Variants in CELSR3 observed in about 807,000 individuals in gnomAD.
CELSR3 encodes the protein EGF-like protein 1.
A neutral mutation model predicts 270.0 loss-of-function variants in CELSR3; 73 were observed. That is an observed-to-expected ratio of 0.27 (90% confidence interval 0.22 to 0.33). The LOEUF (loss-of-function observed/expected upper bound fraction) is 0.33. CELSR3 is among the 10% of genes least tolerant of loss of function. The pLI, the probability that CELSR3 is intolerant of heterozygous loss-of-function variation, is 1.00. For synonymous variants in CELSR3, 1,780 were observed against 1,905.4 expected, an observed-to-expected ratio of 0.93 and a Z score of 1.71; for missense variants, 3,614 against 4,533.8, an observed-to-expected ratio of 0.80 and a Z score of 5.83.
chr3:48,649,221 G>A lies in CELSR3; in HGVS notation c.6473-6C>T, dbSNP rs1190594011. The A allele has an allele frequency of 6.2e-7, 1 of 1,606,596 alleles. No homozygotes were observed. The highest frequency in any genetic ancestry group is 8.5e-7 in the Non-Finnish European group (1 of 1,176,638). ...ACACAGCCGCACAGCAGCACCTGGAGGCAGGCAACCCCTGGTCAGGCCTGG... is the reference window on the plus strand; with the variant it reads ...ACACAGCCGCACAGCAGCACCTGGAAGCAGGCAACCCCTGGTCAGGCCTGG... On this transcript the variant is annotated splice_polypyrimidine_tract_variant and splice_region_variant and intron_variant, in intron 16 of 34. Coordinates refer to ENST00000164024, the MANE Select transcript of CELSR3 (RefSeq NM_001407.3).
At chr3:48,648,541 A>G in intron 18 of CELSR3, 80 bp from the exon 19 acceptor site, 1 of 1,435,762 alleles carries the variant, frequency 7.0e-7, no homozygotes, top group Non-Finnish European at 9.2e-7. Flanking sequence ...AGAGGTCTGG[A>G]CAGGTGCTCA....
In CELSR3 at chr3:48,653,803, G is replaced by T. The variant is rs770302307; in HGVS notation, c.5279-15C>A. 6.2e-7 allele frequency: 1 copy of T among 1,613,564 alleles called. No homozygotes were observed. The highest frequency in any genetic ancestry group is 2.2e-5 in the East Asian group (1 of 44,864). On this transcript the variant is annotated splice_polypyrimidine_tract_variant and intron_variant, in intron 8 of 34. Coordinates refer to ENST00000164024, the MANE Select transcript of CELSR3 (RefSeq NM_001407.3). This position sits in a 1 kb window ranked among gnomAD's most constrained non-coding sequence, Gnocchi z 6.5. ...ATGGGCCATAGCTGAGTGGATAAGA[G>T]AAACAGGGTTACAGCCCCTGCCCCA... is the stretch of plus-strand genomic sequence containing the variant.
chr3:48,651,728 G>A lies in CELSR3; in HGVS notation c.5924-10C>T. 1 of 1,536,230 alleles carries A rather than the reference G, an allele frequency of 6.5e-7. No homozygotes were observed. Among genetic ancestry groups the A allele is most frequent in the Non-Finnish European group, 8.7e-7 (1 of 1,144,214 alleles). On this transcript the variant is annotated splice_polypyrimidine_tract_variant and intron_variant, in intron 12 of 34. Coordinates refer to ENST00000164024, the MANE Select transcript of CELSR3 (RefSeq NM_001407.3). The surrounding 1 kb of genome is among the most constrained non-coding windows in gnomAD (Gnocchi z 7.4). ...CCTGGGCCGTAGTAACCTGCAGATT[G>A]GGTCAGAAAGCTCAGGATCCTGGTC...
chr3:48,661,197 C>A lies in CELSR3; in HGVS notation c.1438G>T (p.Ala480Ser), dbSNP rs1489899272. The A allele has an allele frequency of 3.1e-6, 5 of 1,597,990 alleles. No homozygotes were observed. The highest frequency in any genetic ancestry group is 4.3e-6 in the Non-Finnish European group (5 of 1,171,852). Residue 480 changes from alanine to serine, a missense_variant, in exon 1 of 35, where the codon GCT becomes TCT. This residue lies in a region of CELSR3 where 354 missense variants were observed against 500.9 expected (regional missense o/e 0.71). Coordinates refer to ENST00000164024, the MANE Select transcript of CELSR3 (RefSeq NM_001407.3). ...YRFVGPPAAR[A>S]AAAAAFEIDP... ...ATCTCGAAGGCGGCGGCAGCTGCAG[C>A]GCGCGCAGCTGGCGGCCCCACGAAG...
In CELSR3 at chr3:48,649,146, G is replaced by C. The variant is rs899610119; in HGVS notation, c.6542C>G (p.Pro2181Arg). ...LEPDLFNCTS[P>R]AFRELSLLLD... The stretch of plus-strand genomic sequence containing the variant: ...CAGCAGACTGAGCTCTCGAAAGGCA[G>C]GGGAGGTACAGTTGAAGAGGTCGGG... The change falls in exon 17 of 35, where the codon CCT (proline) becomes CGT (arginine). Residue 2181 changes from proline to arginine, a missense_variant. Around this residue, in one of 7 missense-constraint regions of CELSR3, gnomAD observed 1,331 missense variants for 1,933.7 expected, o/e 0.69. Transcript: ENST00000164024. 6.2e-7 allele frequency: 1 copy of C among 1,612,676 alleles called. No homozygotes were observed. The highest frequency in any genetic ancestry group is 8.5e-7 in the Non-Finnish European group (1 of 1,179,588).
chr3:48,644,428 C>G lies in CELSR3; in HGVS notation c.8086-133G>C, dbSNP rs561593538. 21 of 792,688 alleles carry G rather than the reference C, an allele frequency of 2.6e-5. 2 individuals are homozygous for G. Among genetic ancestry groups the G allele is most frequent in the Middle Eastern group, 6.7e-4 (2 of 2,974 alleles). 49.1% of individuals were successfully genotyped at this position (792,688 alleles called of 1,614,324 possible). A position where few individuals can be genotyped will look rare whatever the true frequency, so the allele number is the denominator to read the frequency against. ...AGTGAGAAATTCACACATATACACA[C>G]ACACCAAAGGAGCTTAGCATCACAG... is the stretch of plus-strand genomic sequence containing the variant. On this transcript the variant is annotated intron_variant, in intron 26 of 34. Coordinates refer to ENST00000164024, the MANE Select transcript of CELSR3 (RefSeq NM_001407.3). The surrounding 1 kb of genome is among the most constrained non-coding windows in gnomAD (Gnocchi z 4.8).
At chr3:48,656,047 A>C in intron 3 of CELSR3, 93 bp downstream of exon 3, 1 of 1,210,568 alleles carries the variant, frequency 8.3e-7, no homozygotes, top group Non-Finnish European at 1.1e-6. Flanking sequence ...GCGGTGTCTC[A>C]TGGGGATGCC....
At position 48,654,368 on chromosome 3, in the gene CELSR3, G is replaced by C; in HGVS notation, c.5073C>G (p.Ile1691Met). 6.2e-7 allele frequency: 1 copy of C among 1,613,940 alleles called. No homozygotes were observed. Among genetic ancestry groups the C allele is most frequent in the South Asian group, 1.1e-5 (1 of 91,080 alleles). The stretch of plus-strand genomic sequence containing the variant: ...CAATGTGCAGGTCCCGCATACAGCC[G>C]ATGAAGTCCTTATGGGATACGGGGA... ...ENFPVSHKDF[I>M]GCMRDLHIDG... The change falls in exon 7 of 35, where the codon ATC (isoleucine) becomes ATG (methionine). Residue 1691 changes from isoleucine (I) to methionine (M), a missense_variant. Physicochemically the swap from Ile to Met is conservative, Grantham distance 10. Around this residue, in one of 7 missense-constraint regions of CELSR3, gnomAD observed 1,331 missense variants for 1,933.7 expected, o/e 0.69. Transcript: ENST00000164024. The surrounding 1 kb of genome is among the most constrained non-coding windows in gnomAD (Gnocchi z 5.4).
In CELSR3 at chr3:48,642,535, C is replaced by CT; in HGVS notation, c.8556-69dup. ...TGGGGTGCCTTGGAGGCTGGAGTGT[C>CT]TTTGAGTGCACAGCCAGCTGCGGGT... On this transcript the variant is annotated intron_variant, in intron 30 of 34. Transcript: ENST00000164024. The surrounding 1 kb of genome is among the most constrained non-coding windows in gnomAD (Gnocchi z 6.1). The CT allele has an allele frequency of 6.6e-7, 1 of 1,526,258 alleles. No homozygotes were observed. Among genetic ancestry groups the CT allele is most frequent in the Non-Finnish European group, 8.9e-7 (1 of 1,121,724 alleles). The allele number at this position is 1,526,258 out of a possible 1,614,324, so 94.5% of individuals were successfully genotyped here.
Position 48,645,366 on chromosome 3 carries a change from G to A in CELSR3, c.7797+77C>T. On this transcript the variant is annotated intron_variant, in intron 24 of 34. Coordinates refer to ENST00000164024, the MANE Select transcript of CELSR3 (RefSeq NM_001407.3). The surrounding 1 kb of genome is among the most constrained non-coding windows in gnomAD (Gnocchi z 5.4). ...CCCAACCTGAGCATCCCTGACCTCT[G>A]ACCCTGAGTTTTGGCCCCAGGCCTC... The A allele has an allele frequency of 6.3e-7, 1 of 1,589,896 alleles. No individual in the cohort carries two copies. Among genetic ancestry groups the A allele is most frequent in the Admixed American group, 1.7e-5 (1 of 59,340 alleles).
chr3:48,641,571 G>T lies in CELSR3; in HGVS notation c.8825-47C>A. On this transcript the variant is annotated intron_variant, in intron 32 of 34. Coordinates refer to ENST00000164024, the MANE Select transcript of CELSR3 (RefSeq NM_001407.3). The surrounding 1 kb of genome is among the most constrained non-coding windows in gnomAD (Gnocchi z 4.8). ...CAGGAGCTTCTGGGTTGATCCCAGTGACTCATGACCCCTGACCCTAATGAC... is the reference window on the plus strand; with the variant it reads ...CAGGAGCTTCTGGGTTGATCCCAGTTACTCATGACCCCTGACCCTAATGAC... 1 of 1,400,294 alleles carries T rather than the reference G, an allele frequency of 7.1e-7. No homozygotes were observed. Among genetic ancestry groups the T allele is most frequent in the South Asian group, 1.2e-5 (1 of 85,598 alleles). The allele number at this position is 1,400,294 out of a possible 1,614,324, so 86.7% of individuals were successfully genotyped here.
In CELSR3 at chr3:48,639,523, C is replaced by T; in HGVS notation, c.9911+151G>A. The T allele has an allele frequency of 1.9e-6, 2 of 1,056,004 alleles. No individual in the cohort carries two copies. Among genetic ancestry groups the T allele is most frequent in the South Asian group, 1.6e-5 (1 of 62,588 alleles). The allele number at this position is 1,056,004 out of a possible 1,614,324, so 65.4% of individuals were successfully genotyped here. On this transcript the variant is annotated intron_variant, in intron 34 of 34. Transcript: ENST00000164024. The surrounding 1 kb of genome is among the most constrained non-coding windows in gnomAD (Gnocchi z 4.1). ...CCATTTCTTGCCAGATTCCTGTCCC[C>T]AGCCTGTGGCCCTCTGGCTGTGCTG... is the stretch of plus-strand genomic sequence containing the variant.
rs775841378 is a variant in CELSR3, at chr3:48,644,159, C to T, written c.8165+57G>A. On this transcript the variant is annotated intron_variant, in intron 27 of 34. Coordinates refer to ENST00000164024, the MANE Select transcript of CELSR3 (RefSeq NM_001407.3). This position sits in a 1 kb window ranked among gnomAD's most constrained non-coding sequence, Gnocchi z 4.8. Reference sequence around the variant, plus strand: ...GGGAAGATCTGGGGGCCCCAGACCCCACCCAGGAGGGACCTGCCATCCTGA... The same window carrying T: ...GGGAAGATCTGGGGGCCCCAGACCCTACCCAGGAGGGACCTGCCATCCTGA... The T allele has an allele frequency of 6.6e-7, 1 of 1,523,420 alleles. No homozygotes were observed. Among genetic ancestry groups the T allele is most frequent in the Admixed American group, 1.8e-5 (1 of 56,944 alleles). The allele number at this position is 1,523,420 out of a possible 1,614,324, so 94.4% of individuals were successfully genotyped here. A position where few individuals can be genotyped will look rare whatever the true frequency, so the allele number is the denominator to read the frequency against.
chr3:48,659,687 A>T lies in CELSR3; in HGVS notation c.2948T>A (p.Ile983Asn). 1 of 1,614,194 alleles carries T rather than the reference A, an allele frequency of 6.2e-7. No individual in the cohort carries two copies. The highest frequency in any genetic ancestry group is 8.5e-7 in the Non-Finnish European group (1 of 1,180,034). Residue 983 changes from isoleucine to asparagine, a missense_variant, in exon 1 of 35, where the codon ATC becomes AAC. This residue lies in a region of CELSR3 where 1,331 missense variants were observed against 1,933.7 expected (regional missense o/e 0.69). Coordinates refer to ENST00000164024, the MANE Select transcript of CELSR3 (RefSeq NM_001407.3). The surrounding 1 kb of genome is among the most constrained non-coding windows in gnomAD (Gnocchi z 8.1). ...DAPPFTSVLQ[I>N]SATDRDAHAN... ...ATGAGCATCCCGGTCAGTGGCTGAG[A>T]TCTGCAGGACACTGGTGAAAGGTGG...
Position 48,660,466 on chromosome 3 carries a change from G to C in CELSR3, c.2169C>G (p.Phe723Leu). The part of the protein sequence containing the change: ...PLDRESVEHY[F>L]FGVEARDHGS... ...CATGGTCTCGAGCCTCCACACCAAAGAAGTAATGCTCCACAGACTCACGGT... is the reference window on the plus strand; with the variant it reads ...CATGGTCTCGAGCCTCCACACCAAACAAGTAATGCTCCACAGACTCACGGT... Residue 723 changes from phenylalanine (F) to leucine (L), a missense_variant, in exon 1 of 35, where the codon TTC becomes TTG. This residue lies in a region of CELSR3 where 215 missense variants were observed against 241.2 expected (regional missense o/e 0.89). Transcript: ENST00000164024. This position sits in a 1 kb window ranked among gnomAD's most constrained non-coding sequence, Gnocchi z 5.5. The C allele has an allele frequency of 6.2e-7, 1 of 1,614,194 alleles. No individual in the cohort carries two copies. The highest frequency in any genetic ancestry group is 8.5e-7 in the Non-Finnish European group (1 of 1,180,052).
Position 48,654,225 on chromosome 3 carries a change from C to T in CELSR3, c.5152+64G>A. ...CTGGCTTGAAGTCAGGTATGGAGTC[C>T]TCCACTTCCTCCCTATGATGGGGAC... is the stretch of plus-strand genomic sequence containing the variant. On this transcript the variant is annotated intron_variant, in intron 7 of 34. Coordinates refer to ENST00000164024, the MANE Select transcript of CELSR3 (RefSeq NM_001407.3). This position sits in a 1 kb window ranked among gnomAD's most constrained non-coding sequence, Gnocchi z 5.4. 5 of 1,600,068 alleles carry T rather than the reference C, an allele frequency of 3.1e-6. No individual in the cohort carries two copies. The highest frequency in any genetic ancestry group is 2.2e-5 in the East Asian group (1 of 44,492).
In CELSR3 at chr3:48,655,816, TAGA is replaced by T. The variant is rs2047175393; in HGVS notation, c.4658_4660del (p.Phe1553del). 6.3e-7 allele frequency: 1 copy of T among 1,577,910 alleles called. No homozygotes were observed. The highest frequency in any genetic ancestry group is 1.4e-5 in the African/African-American group (1 of 69,726). On this transcript the variant is annotated inframe_deletion, in exon 4 of 35. Transcript: ENST00000164024. This position sits in a 1 kb window ranked among gnomAD's most constrained non-coding sequence, Gnocchi z 5.8. ...GTGCTTCTCGTTCAGGCGCCCGTTGTAGAAGAGCAGCCCGCTCTGCTGCACTGT... is the reference window on the plus strand; with the variant it reads ...GTGCTTCTCGTTCAGGCGCCCGTTGTAGAGCAGCCCGCTCTGCTGCACTGT...
At chr3:48,643,830 A>T (rs969947909) in intron 27 of CELSR3, 153 bp from the exon 28 acceptor site, 1 of 837,212 alleles carries the variant, frequency 1.2e-6, no homozygotes, top group Non-Finnish European at 1.8e-6. Flanking sequence ...ACACTGGGGG[A>T]GATGGGAGGT....
intron 28 of CELSR3, 175 bp from the exon 29 acceptor site, chr3:48,643,258 C>T: frequency 1.6e-6 from 1 of 627,040 alleles, no homozygotes; most frequent in Non-Finnish European, 2.8e-6. Context: ...GATGGAGCAG[C>T]AGGAGTGGCT....
Sources: gnomAD v4.1 joint callset for allele counts on GRCh38, gnomAD v4.1.1 for gene constraint, gnomAD v4.1.1 regional missense constraint, Gnocchi (gnomAD v3.1) non-coding constraint, MANE v1.5 for transcripts, NCBI Gene and HGNC (gene_info 2026-07-23, HGNC 2026-07-21) for gene names.